DDX10: variants seen among roughly 807,000 people sequenced by gnomAD.
DDX10 encodes the protein DEAD-box helicase 10.
A neutral mutation model predicts 104.3 loss-of-function variants in DDX10; 74 were observed. The ratio of observed to expected loss-of-function variants is 0.71; its 90% CI spans 0.59 to 0.86. The LOEUF is 0.86. Among genes scored for constraint, DDX10 ranks in the 40% least tolerant of loss-of-function variants. The pLI, the probability that DDX10 is intolerant of heterozygous loss-of-function variation, is 0.00. For synonymous variants in DDX10, 351 were observed against 353.4 expected (o/e 0.99, Z 0.08); for missense variants, 952 against 1,040.0 (o/e 0.92, Z 1.16).
intron 13 of DDX10, among the ~76,000 whole-genome samples, chr11:108,769,536 G>A (rs956290904): frequency 2.0e-5 from 3 of 151,892 alleles, no homozygotes; most frequent in African/African-American, 4.8e-5. Flanking sequence ...TGTAGTATCC[G>A]TCACATAATT....
chr11:108,859,393 T>G (rs1862911075), intron 16 of DDX10, among the ~76,000 whole-genome samples: 1 of 152,124 alleles, frequency 6.6e-6, no homozygotes, highest in African/African-American at 2.4e-5. Flanking sequence ...TTGCAAAATG[T>G]ACTAACCAGA....
chr11:108,728,049 G>GA (rs1336591570), intron 13 of DDX10, among the ~76,000 whole-genome samples: 1,659 of 143,222 alleles, frequency 0.012, 38 homozygotes, highest in African/African-American at 0.037. Flanking sequence ...AATGAAAAAA[G>GA]AAAAAAAAAA....
chr11:108,763,657 T>G (rs930962066), intron 13 of DDX10, among the ~76,000 whole-genome samples: 1 of 152,214 alleles, frequency 6.6e-6, no homozygotes, highest in African/African-American at 2.4e-5. Context: ...ACTCATTTGA[T>G]GAAAGAAAAG....
chr11:108,913,971 G>A (rs193235965), intron 16 of DDX10, among the ~76,000 whole-genome samples: 171 of 152,100 alleles, frequency 1.1e-3, no homozygotes, highest in Non-Finnish European at 2.0e-3. Flanking sequence ...CTGTAATGCC[G>A]CACAGACAAT....
At chr11:108,736,154 CTT>C (rs58772238) in intron 13 of DDX10, among the ~76,000 whole-genome samples, 2,569 of 136,968 alleles carry the variant, frequency 0.019, 39 homozygotes, top group African/African-American at 0.043. Context: ...TTCCCTAGTT[CTT>C]TTTTTTTTTT....
intron 13 of DDX10, among the ~76,000 whole-genome samples, chr11:108,818,201 A>G (rs1301380797): frequency 6.6e-6 from 1 of 152,140 alleles, no homozygotes; most frequent in Non-Finnish European, 1.5e-5. Flanking sequence ...CACCATTATC[A>G]AGGTGAAGGT....
At chr11:108,938,403 A>T (rs1052166342) in intron 17 of DDX10, among the ~76,000 whole-genome samples, 3 of 152,204 alleles carry the variant, frequency 2.0e-5, no homozygotes, top group African/African-American at 4.8e-5. Context: ...TTAACAGAGG[A>T]TGCAATAGAC....
At position 108,723,025 on chromosome 11, in the gene DDX10, G is replaced by A. The variant is rs777945224; in HGVS notation, c.1528G>A (p.Val510Ile). 35 of 1,611,184 alleles carry A rather than the reference G, an allele frequency of 2.2e-5. No homozygotes were observed. Among genetic ancestry groups the A allele is most frequent in the Admixed American group, 1.5e-4 (9 of 59,396 alleles). The stretch of plus-strand genomic sequence containing the variant: ...TCTTGGTCTTGCTGTGGCACCACGC[G>A]TAAGATTTCTTCAGAAAATGCAGAA... ...LSLGLAVAPR[V>I]RFLQKMQKQP... is the part of the protein sequence containing the mutation. Residue 510 changes from valine (V) to isoleucine (I), a missense_variant, in exon 13 of 18, where the codon GTA becomes ATA. Physicochemically the swap from Val to Ile is conservative, Grantham distance 29. Coordinates refer to ENST00000322536, the MANE Select transcript of DDX10 (RefSeq NM_004398.4).
At chr11:108,749,863 G>A (rs987768492) in intron 13 of DDX10, among the ~76,000 whole-genome samples, 1 of 152,120 alleles carries the variant, frequency 6.6e-6, no homozygotes, top group Non-Finnish European at 1.5e-5. Flanking sequence ...GTTTATAGCT[G>A]TATTTTACTG....
At chr11:108,675,091 T>G (rs2094222384) in intron 2 of DDX10, among the ~76,000 whole-genome samples, 1 of 65,662 alleles carries the variant, frequency 1.5e-5, no homozygotes, top group Non-Finnish European at 3.0e-5. Flanking sequence ...ATTCCATTTG[T>G]GTGTGTGTGT....
chr11:108,817,711 C>G (rs532724865), intron 13 of DDX10, among the ~76,000 whole-genome samples: 96 of 152,246 alleles, frequency 6.3e-4, no homozygotes, highest in African/African-American at 2.2e-3. Context: ...CCCTCCTAAT[C>G]CTACAAGAAA....
intron 16 of DDX10, among the ~76,000 whole-genome samples, chr11:108,892,993 C>A (rs923565948): frequency 5.9e-5 from 9 of 152,104 alleles, no homozygotes; most frequent in African/African-American, 2.2e-4. Context: ...TGTTTAGAAT[C>A]TTATATGTGA....
rs1243072791 is a variant in DDX10, at chr11:108,677,110, A to C, written c.404A>C (p.Gln135Pro). The stretch of plus-strand genomic sequence containing the variant: ...GTGCTGGAAGCCTTATATCGTCTGC[A>C]ATGGACTTCAACAGATGGGCTGGGG... ...VPVLEALYRL[Q>P]WTSTDGLGVL... Residue 135 changes from glutamine to proline, a missense_variant, in exon 4 of 18, where the codon CAA (glutamine) becomes CCA (proline). Physicochemically the swap from Gln to Pro is moderately conservative, Grantham distance 76. Coordinates refer to ENST00000322536, the MANE Select transcript of DDX10 (RefSeq NM_004398.4). The C allele has an allele frequency of 6.2e-7, 1 of 1,612,946 alleles. No individual in the cohort carries two copies. The highest frequency in any genetic ancestry group is 8.5e-7 in the Non-Finnish European group (1 of 1,179,424).
intron 13 of DDX10, among the ~76,000 whole-genome samples, chr11:108,815,167 G>A (rs148070872): frequency 0.01 from 1,565 of 152,148 alleles, 25 homozygotes; most frequent in African/African-American, 0.036. Flanking sequence ...ATACTTTGAT[G>A]TAACATTACC....
intron 13 of DDX10, among the ~76,000 whole-genome samples, chr11:108,832,680 A>G (rs1362913591): frequency 2.0e-5 from 3 of 152,260 alleles, no homozygotes; most frequent in Non-Finnish European, 4.4e-5. Flanking sequence ...CAGTAAATCA[A>G]TTCCTTATAA....
intron 13 of DDX10, among the ~76,000 whole-genome samples, chr11:108,780,595 C>T (rs1356857541): frequency 6.6e-6 from 1 of 152,098 alleles, no homozygotes; most frequent in Non-Finnish European, 1.5e-5. Flanking sequence ...TCCTAGTGTA[C>T]CACATCCTCT....
At chr11:108,671,267 G>A (rs2094216656) in intron 1 of DDX10, among the ~76,000 whole-genome samples, 1 of 152,162 alleles carries the variant, frequency 6.6e-6, no homozygotes, top group Admixed American at 6.5e-5. Context: ...GGGTTCAAAC[G>A]ATTCTCCTGC....
At chr11:108,911,738 T>G (rs1232167863) in intron 16 of DDX10, among the ~76,000 whole-genome samples, 1 of 152,016 alleles carries the variant, frequency 6.6e-6, no homozygotes, top group Admixed American at 6.5e-5. Flanking sequence ...CTGGCTAATT[T>G]TTTTGTAGAG....
intron 8 of DDX10, among the ~76,000 whole-genome samples, chr11:108,692,262 C>T (rs1319073842): frequency 6.6e-6 from 1 of 152,070 alleles, no homozygotes; most frequent in Non-Finnish European, 1.5e-5. Flanking sequence ...GATAATCACA[C>T]CATAGAATCC....
Sources: allele counts gnomAD v4.1 joint callset (sites outside exome capture counted in the v4.1 genomes callset), GRCh38; gene constraint gnomAD v4.1.1; transcripts MANE v1.5; gene names NCBI Gene and HGNC (gene_info 2026-07-23, HGNC 2026-07-21).